The following OTOA variants were observed in gnomAD, a reference collection of about 807,000 sequenced individuals.
OTOA encodes the protein cancer/testis antigen 108.
In OTOA, 70 loss-of-function variants were observed where a neutral mutation model predicts 110.8. The ratio of observed to expected loss-of-function variants is 0.63; its 90% CI spans 0.52 to 0.77. The LOEUF (loss-of-function observed/expected upper bound fraction) is 0.77. Among genes scored for constraint, OTOA ranks in the 30% least tolerant of loss-of-function variants. The pLI, the probability that OTOA is intolerant of heterozygous loss-of-function variation, is 0.00. For missense variants in OTOA, 917 were observed against 1,075.8 expected (o/e 0.85, Z 2.06); for synonymous variants, 373 against 431.5 (o/e 0.86, Z 1.68).
intron 11 of OTOA, among the ~76,000 whole-genome samples, chr16:21,704,540 G>A (rs1330078009): frequency 6.6e-6 from 1 of 152,112 alleles, no homozygotes; most frequent in Non-Finnish European, 1.5e-5. Context: ...GCAGGTAAAC[G>A]GCTCAGTGCA....
intron 18 of OTOA, among the ~76,000 whole-genome samples, chr16:21,724,840 A>C (rs1378652559): frequency 6.6e-6 from 1 of 151,654 alleles, no homozygotes; most frequent in Non-Finnish European, 1.5e-5. Flanking sequence ...GCAGTGGTGT[A>C]ATCTTGGCTC....
At chr16:21,703,257 C>A (rs1167012311) in intron 11 of OTOA, among the ~76,000 whole-genome samples, 2 of 152,146 alleles carry the variant, frequency 1.3e-5, no homozygotes, top group Non-Finnish European at 2.9e-5. Context: ...CCAAGTCTCT[C>A]CAACTCCCTT....
At chr16:21,691,274 A>G (rs1897824415) in intron 8 of OTOA, among the ~76,000 whole-genome samples, 1 of 152,130 alleles carries the variant, frequency 6.6e-6, no homozygotes, top group Non-Finnish European at 1.5e-5. Context: ...CACAATAAAC[A>G]TACGTGTGCA....
intron 9 of OTOA, 117 bp downstream of exon 9, chr16:21,691,804 C>T: frequency 1.1e-6 from 1 of 937,320 alleles, no homozygotes; most frequent in East Asian, 2.6e-5. Context: ...TACCACCTCC[C>T]ACTGCTTCGA....
chr16:21,686,682 G>T (rs1252277098), intron 7 of OTOA, among the ~76,000 whole-genome samples: 1 of 152,040 alleles, frequency 6.6e-6, no homozygotes, highest in Non-Finnish European at 1.5e-5. Context: ...TGGGCAGATT[G>T]CTTGAGCCCA....
Position 21,736,305 on chromosome 16 carries a change from C to T in OTOA, c.2346C>T (p.Thr782=), listed in dbSNP as rs1211692348. 1 of 1,613,976 alleles carries T rather than the reference C, an allele frequency of 6.2e-7. No homozygotes were observed. Among genetic ancestry groups the T allele is most frequent in the African/African-American group, 1.3e-5 (1 of 74,912 alleles). ...LLQAASKMAR[T]LPTKEFLWAV... ...AAGCAGCTTCCAAGATGGCCAGGAC[C>T]CTGCCCACTAAAGAATTCCTCTGGG... Residue 782 remains threonine, a synonymous_variant, in exon 22 of 29, where the codon ACC becomes ACT. Coordinates refer to ENST00000646100, the MANE Select transcript of OTOA (RefSeq NM_144672.4).
chr16:21,697,237 C>T (rs1762155973), intron 9 of OTOA, among the ~76,000 whole-genome samples: 1 of 152,080 alleles, frequency 6.6e-6, no homozygotes, highest in African/African-American at 2.4e-5. Flanking sequence ...AAAGACCACA[C>T]TATTGAGTAA....
At chr16:21,685,605 C>A (rs1436316171) in intron 7 of OTOA, among the ~76,000 whole-genome samples, 1 of 152,102 alleles carries the variant, frequency 6.6e-6, no homozygotes, top group Non-Finnish European at 1.5e-5. Flanking sequence ...CTCTGTCACT[C>A]AGGCTGGAGT....
chr16:21,693,154 C>T (rs561238670), intron 9 of OTOA, among the ~76,000 whole-genome samples: 5 of 152,008 alleles, frequency 3.3e-5, no homozygotes, highest in Non-Finnish European at 7.4e-5. Flanking sequence ...GTCCCAGCTA[C>T]TCAGGAGGCT....
At chr16:21,716,688 A>C (rs1898564117) in intron 14 of OTOA, among the ~76,000 whole-genome samples, 1 of 152,140 alleles carries the variant, frequency 6.6e-6, no homozygotes, top group Non-Finnish European at 1.5e-5. Flanking sequence ...TTTTGGAATC[A>C]GACAGACTTG....
chr16:21,694,347 G>A (rs184376421), intron 9 of OTOA, among the ~76,000 whole-genome samples: 48 of 152,192 alleles, frequency 3.2e-4, no homozygotes, highest in Admixed American at 1.3e-3. Flanking sequence ...GAGGCTGAGG[G>A]GGGGAGGATC....
intron 4 of OTOA, 24 bp from the exon 5 acceptor site, chr16:21,679,160 C>T: frequency 6.2e-7 from 1 of 1,613,822 alleles, no homozygotes; most frequent in Non-Finnish European, 8.5e-7. Flanking sequence ...TTAAAGATGT[C>T]TTTTCATTTT....
chr16:21,690,317 G>T (rs1190146770), intron 8 of OTOA, among the ~76,000 whole-genome samples: 2 of 151,960 alleles, frequency 1.3e-5, no homozygotes, highest in Non-Finnish European at 2.9e-5. Context: ...GCATGCATTA[G>T]ATATTTTTCC....
chr16:21,757,516 C>A (rs1263765303), intron 28 of OTOA, among the ~76,000 whole-genome samples: 4 of 152,372 alleles, frequency 2.6e-5, no homozygotes, highest in African/African-American at 9.6e-5. Flanking sequence ...TTCCAGTTCT[C>A]CCGCCCCTAC....
At chr16:21,678,666 G>T in intron 2 of OTOA, 61 bp downstream of exon 2, 4 of 1,447,352 alleles carry the variant, frequency 2.8e-6, no homozygotes, top group East Asian at 2.3e-5. Flanking sequence ...AATGAGGTGG[G>T]ATAGATACAT....
At chr16:21,716,753 C>T (rs1324870280) in intron 14 of OTOA, among the ~76,000 whole-genome samples, 154 bp from the exon 15 acceptor site, 3 of 152,012 alleles carry the variant, frequency 2.0e-5, no homozygotes, top group African/African-American at 7.2e-5. Context: ...TCTCTGTTTC[C>T]TCACCTGTGA....
Position 21,705,143 on chromosome 16 carries a change from C to A in OTOA, c.981-26C>A, listed in dbSNP as rs776183538. 2.5e-6 allele frequency: 4 copies of A among 1,614,182 alleles called. No individual in the cohort carries two copies. In the East Asian group the frequency reaches 8.9e-5, roughly 36 times the overall value. On this transcript the variant is annotated intron_variant, in intron 11 of 28. Coordinates refer to ENST00000646100, the MANE Select transcript of OTOA (RefSeq NM_144672.4). The stretch of plus-strand genomic sequence containing the variant: ...GGCTGGTTCTGCGGTTACACCTCCA[C>A]CACCATCCCTCCTCTTCTCACACAG...
chr16:21,684,901 G>A (rs1298595099), intron 6 of OTOA, among the ~76,000 whole-genome samples: 3 of 151,748 alleles, frequency 2.0e-5, no homozygotes, highest in Non-Finnish European at 4.4e-5. Flanking sequence ...ACAGGCGTGC[G>A]CCACCACACC....
chr16:21,758,961 C>A (rs1900080988), intron 28 of OTOA, among the ~76,000 whole-genome samples: 1 of 151,816 alleles, frequency 6.6e-6, no homozygotes, highest in Non-Finnish European at 1.5e-5. Context: ...GAGATCATGC[C>A]AGTTCACTCC....
Sources: gnomAD v4.1 joint callset for allele counts (sites outside exome capture counted in the v4.1 genomes callset) on GRCh38, gnomAD v4.1.1 for gene constraint, MANE v1.5 for transcripts, NCBI Gene and HGNC (gene_info 2026-07-23, HGNC 2026-07-21) for gene names.